ABCC2: variants seen among roughly 807,000 people sequenced by gnomAD.
ABCC2 encodes ATP-binding cassette sub-family C member 2.
A neutral mutation model predicts 173.4 loss-of-function variants in ABCC2; 157 were observed. The ratio of observed to expected loss-of-function variants is 0.91; its 90% CI spans 0.80 to 1.03. The LOEUF is 1.03. Ranked by LOEUF, ABCC2 falls within the 50% of genes least tolerant of loss-of-function variation. ABCC2 has a pLI of 0.00. For synonymous variants in ABCC2, 657 were observed against 693.5 expected (o/e 0.95, Z 0.83); for missense variants, 1,822 against 1,852.3 (o/e 0.98, Z 0.30).
At chr10:99,822,414 C>T (rs558538018) in intron 19 of ABCC2, among the ~76,000 whole-genome samples, 2 of 151,302 alleles carry the variant, frequency 1.3e-5, no homozygotes, top group African/African-American at 2.5e-5. Flanking sequence ...TGTGAGTCAA[C>T]GGTGCTCGAC....
At chr10:99,784,218 G>A (rs2037667168) in intron 1 of ABCC2, among the ~76,000 whole-genome samples, 2 of 152,092 alleles carry the variant, frequency 1.3e-5, no homozygotes, top group Non-Finnish European at 2.9e-5. Flanking sequence ...ATATCTGCCA[G>A]TGAGTTCAGT....
chr10:99,819,379 A>T, intron 19 of ABCC2, 110 bp downstream of exon 19: 1 of 1,060,490 alleles, frequency 9.4e-7, no homozygotes, highest in East Asian at 2.4e-5. Flanking sequence ...TTGGAAGCAA[A>T]CTACCCAGAG....
At position 99,851,499 on chromosome 10, in the gene ABCC2, C is replaced by T. The variant is rs546648265; in HGVS notation, c.4509-3C>T. 7 of 1,614,014 alleles carry T rather than the reference C, an allele frequency of 4.3e-6. No homozygotes were observed. The African/African-American group carries it at 6.7e-5, about 15-fold the overall frequency. On this transcript the variant is annotated splice_region_variant and splice_polypyrimidine_tract_variant and intron_variant, in intron 31 of 31. Coordinates refer to ENST00000647814, the MANE Select transcript of ABCC2 (RefSeq NM_000392.5). ...ACTTTTATTTCTTTCTTCCTTGTTT[C>T]AGGGTAATGGTCCTAGACAACGGGA...
chr10:99,841,906 T>C (rs1022267161), intron 25 of ABCC2, 61 bp from the exon 26 acceptor site: 203 of 1,612,874 alleles, frequency 1.3e-4, no homozygotes, highest in Non-Finnish European at 1.7e-4. Context: ...AACGCCAAGG[T>C]TGCTGGTTAA....
intron 15 of ABCC2, among the ~76,000 whole-genome samples, chr10:99,811,828 T>A (rs1454230112): frequency 6.6e-6 from 1 of 152,200 alleles, no homozygotes; most frequent in East Asian, 1.9e-4. Flanking sequence ...TATGGGGCCA[T>A]GAATATCCAG....
At chr10:99,840,694 T>G (rs2038927537) in intron 25 of ABCC2, among the ~76,000 whole-genome samples, 2 of 152,044 alleles carry the variant, frequency 1.3e-5, no homozygotes, top group South Asian at 4.2e-4. Context: ...TTTGTTTGTT[T>G]TTAGTAGAGA....
At chr10:99,832,209 CCT>C in intron 23 of ABCC2, 78 bp downstream of exon 23, 1 of 1,560,284 alleles carries the variant, frequency 6.4e-7, no homozygotes, top group African/African-American at 1.4e-5. Context: ...ATTATGTCCC[CCT>C]AGACAACACT....
At position 99,840,932 on chromosome 10, in the gene ABCC2, A is replaced by G. The variant is rs560136591; in HGVS notation, c.3615-1035A>G. ...TGAGGATGGAGATAGGAAATCAGAA[A>G]ACCTAGGGGCTCCAGGCATCCTGAG... On this transcript the variant is annotated intron_variant, in intron 25 of 31. Transcript: ENST00000647814. Among the ~76,000 whole-genome samples, 7 of 151,968 alleles carry G rather than the reference A, an allele frequency of 4.6e-5. No homozygotes were observed. In the East Asian group the frequency reaches 1.4e-3, roughly 30 times the overall value.
chr10:99,802,339 T>G (rs2038027685), intron 9 of ABCC2, among the ~76,000 whole-genome samples: 1 of 152,176 alleles, frequency 6.6e-6, no homozygotes, highest in African/African-American at 2.4e-5. Context: ...ATAAGTACAT[T>G]ATACCTATTT....
chr10:99,819,285 T>A lies in ABCC2; in HGVS notation c.2620+16T>A. The A allele has an allele frequency of 6.2e-7, 1 of 1,611,186 alleles. No homozygotes were observed. The highest frequency in any genetic ancestry group is 1.7e-5 in the Admixed American group (1 of 60,018). ...GAAGCCACAGGTATGTAAGAAGGAT[T>A]GGGACAAGATAGAACTTGGGCCATG... On this transcript the variant is annotated intron_variant, in intron 19 of 31. Coordinates refer to ENST00000647814, the MANE Select transcript of ABCC2 (RefSeq NM_000392.5).
rs1259892956 is a variant in ABCC2, at chr10:99,789,705, G to A, written c.208-2529G>A. On this transcript the variant is annotated intron_variant, in intron 2 of 31. Transcript: ENST00000647814. ...AGCCTGGGTGACAGAGCGAAACTCCGTCTCAAAAAAAAAAAAAAAAAGAAA... is the reference window on the plus strand; with the variant it reads ...AGCCTGGGTGACAGAGCGAAACTCCATCTCAAAAAAAAAAAAAAAAAGAAA... 4.4e-4 allele frequency among the ~76,000 whole-genome samples: 39 copies of A among 89,482 alleles called. No homozygotes were observed. The East Asian group carries it at 4.8e-3, about 11-fold the overall frequency. 58.7% of individuals were successfully genotyped at this position (89,482 alleles called of 152,430 possible). A position where few individuals can be genotyped will look rare whatever the true frequency, so the allele number is the denominator to read the frequency against.
chr10:99,796,054 A>T (rs2037906339), intron 6 of ABCC2, among the ~76,000 whole-genome samples: 1 of 152,096 alleles, frequency 6.6e-6, no homozygotes, highest in Non-Finnish European at 1.5e-5. Flanking sequence ...CCTGGCTAAG[A>T]GCCCTGATCA....
intron 23 of ABCC2, 135 bp downstream of exon 23, chr10:99,832,266 G>A (rs1457115144): frequency 1.7e-6 from 2 of 1,162,076 alleles, no homozygotes; most frequent in Non-Finnish European, 1.3e-6. Flanking sequence ...AGTGTTTCTT[G>A]AGTACCTGCT....
At chr10:99,839,008 G>T (rs2038880666) in intron 25 of ABCC2, among the ~76,000 whole-genome samples, 1 of 108,604 alleles carries the variant, frequency 9.2e-6, no homozygotes, top group Non-Finnish European at 2.0e-5. Context: ...GGGCAGAGGG[G>T]CTCCTCACTT....
At chr10:99,810,295 T>C in intron 14 of ABCC2, 77 bp downstream of exon 14, 1 of 1,136,490 alleles carries the variant, frequency 8.8e-7, no homozygotes, top group Non-Finnish European at 1.3e-6. Flanking sequence ...AAGAGCTTAG[T>C]AGCAGCAAAC....
chr10:99,822,576 C>T (rs1009571749), intron 19 of ABCC2, among the ~76,000 whole-genome samples: 3 of 151,246 alleles, frequency 2.0e-5, no homozygotes, highest in African/African-American at 7.3e-5. Context: ...ATCACCTTCC[C>T]TATTTCCCAT....
intron 16 of ABCC2, among the ~76,000 whole-genome samples, chr10:99,814,213 G>GTA (rs1564683727): frequency 3.7e-5 from 2 of 54,650 alleles, no homozygotes; most frequent in African/African-American, 8.9e-5. Context: ...ATACACACAT[G>GTA]TGTATATATA....
At position 99,797,388 on chromosome 10, in the gene ABCC2, T is replaced by A. The variant is rs770968284; in HGVS notation, c.867+57T>A. ...GCTGCATGTTTCAGGCAAGGGTACA[T>A]CAGCATCATGGCGATTCTGTCCTTA... is the stretch of plus-strand genomic sequence containing the variant. On this transcript the variant is annotated intron_variant, in intron 7 of 31. Transcript: ENST00000647814. 9 of 1,471,866 alleles carry A rather than the reference T, an allele frequency of 6.1e-6. No homozygotes were observed. The East Asian group carries it at 1.9e-4, about 32-fold the overall frequency. The allele number at this position is 1,471,866 out of a possible 1,614,324, so 91.2% of individuals were successfully genotyped here. A position where few individuals can be genotyped will look rare whatever the true frequency, so the allele number is the denominator to read the frequency against.
intron 23 of ABCC2, among the ~76,000 whole-genome samples, chr10:99,832,500 T>G (rs908801912): frequency 6.6e-6 from 1 of 152,098 alleles, no homozygotes; most frequent in Non-Finnish European, 1.5e-5. Flanking sequence ...AGGTGAAACT[T>G]AAGTCATAGA....
Sources: gnomAD v4.1 joint callset for allele counts (sites outside exome capture counted in the v4.1 genomes callset) on GRCh38, gnomAD v4.1.1 for gene constraint, MANE v1.5 for transcripts, NCBI Gene and HGNC (gene_info 2026-07-23, HGNC 2026-07-21) for gene names.